The following CNTN5 variants were observed in gnomAD, a reference collection of about 807,000 sequenced individuals.
CNTN5 encodes the protein contactin 5.
CNTN5 carries 77 observed loss-of-function variants against 129.1 expected under a neutral mutation model. The observed-to-expected ratio is 0.60, with a 90% confidence interval of 0.50 to 0.72. CNTN5 has a LOEUF of 0.72. Among genes scored for constraint, CNTN5 ranks in the 30% least tolerant of loss-of-function variants. The pLI, the probability that CNTN5 is intolerant of heterozygous loss-of-function variation, is 0.00. For synonymous variants in CNTN5, 509 were observed against 465.6 expected (o/e 1.09, Z -1.20); for missense variants, 1,478 against 1,328.8 (o/e 1.11, Z -1.75).
At chr11:99,243,135 G>A (rs1565431841) in intron 1 of CNTN5, among the ~76,000 whole-genome samples, 1 of 152,032 alleles carries the variant, frequency 6.6e-6, no homozygotes, top group Non-Finnish European at 1.5e-5. Flanking sequence ...AGGCTCACAA[G>A]CATTTGTTGT....
intron 3 of CNTN5, among the ~76,000 whole-genome samples, chr11:99,764,162 G>A (rs770586084): frequency 1.3e-5 from 2 of 151,810 alleles, no homozygotes; most frequent in African/African-American, 2.4e-5. Flanking sequence ...AAATTTTGAA[G>A]ACCACTGTTG....
chr11:99,237,982 A>G (rs1861365130), intron 1 of CNTN5, among the ~76,000 whole-genome samples: 1 of 152,166 alleles, frequency 6.6e-6, no homozygotes, highest in Admixed American at 6.5e-5. Context: ...CTGCTATGCT[A>G]TATAACAGAG....
intron 8 of CNTN5, among the ~76,000 whole-genome samples, chr11:99,961,533 A>T (rs1174598291): frequency 6.6e-6 from 1 of 152,220 alleles, no homozygotes. Flanking sequence ...CCATATGCCC[A>T]ATGGAAGCTT....
In CNTN5 at chr11:99,255,828, A is replaced by G. The variant is rs368495969; in HGVS notation, c.-209-69518A>G. On this transcript the variant is annotated intron_variant, in intron 1 of 24. Transcript: ENST00000524871. ...CACACACACACACGCACACGCACAC[A>G]CATGCACACGCACACACACACCCCA... Among the ~76,000 whole-genome samples the G allele has an allele frequency of 2.6e-5, 4 of 151,712 alleles. No individual in the cohort carries two copies. In the South Asian group the frequency reaches 6.2e-4, roughly 24 times the overall value.
chr11:99,200,696 C>CT (rs1184149435), intron 1 of CNTN5, among the ~76,000 whole-genome samples: 1 of 152,142 alleles, frequency 6.6e-6, no homozygotes, highest in East Asian at 1.9e-4. Context: ...GGTTAGCACC[C>CT]TCAAGGACAG....
At chr11:99,646,603 T>C (rs1407683831) in intron 3 of CNTN5, among the ~76,000 whole-genome samples, 3 of 152,192 alleles carry the variant, frequency 2.0e-5, no homozygotes, top group Admixed American at 1.3e-4. Context: ...CATGCACTTA[T>C]GTCCTTAGAA....
At chr11:99,353,909 G>A (rs771250219) in intron 2 of CNTN5, among the ~76,000 whole-genome samples, 6 of 152,140 alleles carry the variant, frequency 3.9e-5, no homozygotes, top group African/African-American at 7.2e-5. Flanking sequence ...AGAAAAAAAC[G>A]TTTACCCCAC....
At chr11:99,166,506 C>G (rs1860878631) in intron 1 of CNTN5, among the ~76,000 whole-genome samples, 1 of 151,218 alleles carries the variant, frequency 6.6e-6, no homozygotes, top group Non-Finnish European at 1.5e-5. Flanking sequence ...AGTTCCAGTA[C>G]TAAGCCAAAA....
chr11:100,070,285 A>G (rs767419402), intron 10 of CNTN5, 139 bp from the exon 11 acceptor site: 9 of 778,354 alleles, frequency 1.2e-5, no homozygotes, highest in Non-Finnish European at 1.8e-5. Flanking sequence ...GTGTAACGCA[A>G]TGCTGTGCTT....
chr11:99,504,182 AAT>A (rs1946528868), intron 2 of CNTN5, among the ~76,000 whole-genome samples: 1 of 152,194 alleles, frequency 6.6e-6, no homozygotes, highest in African/African-American at 2.4e-5. Flanking sequence ...GATGTAAACT[AAT>A]ATTTTGATAA....
At chr11:100,300,467 T>A (rs1321406183) in intron 20 of CNTN5, among the ~76,000 whole-genome samples, 1 of 151,522 alleles carries the variant, frequency 6.6e-6, no homozygotes, top group Non-Finnish European at 1.5e-5. Context: ...ATAAGTGTGG[T>A]AAATATAAAC....
At chr11:99,902,816 A>C (rs1949394328) in intron 6 of CNTN5, among the ~76,000 whole-genome samples, 1 of 152,184 alleles carries the variant, frequency 6.6e-6, no homozygotes, top group Admixed American at 6.5e-5. Context: ...AGCCTAAATG[A>C]AGATCACAAA....
chr11:100,074,471 A>G (rs1591186148), intron 13 of CNTN5, 177 bp downstream of exon 13: 1 of 556,344 alleles, frequency 1.8e-6, no homozygotes, highest in Non-Finnish European at 3.1e-6. Flanking sequence ...TGACTTCAAA[A>G]TGGTCAGTCT....
At chr11:99,501,369 A>T (rs544933737) in intron 2 of CNTN5, among the ~76,000 whole-genome samples, 1 of 152,368 alleles carries the variant, frequency 6.6e-6, no homozygotes, top group African/African-American at 2.4e-5. Flanking sequence ...AATGCAAATC[A>T]TTCAGAATAG....
At chr11:100,141,152 G>T (rs1836775365) in intron 13 of CNTN5, among the ~76,000 whole-genome samples, 1 of 152,082 alleles carries the variant, frequency 6.6e-6, no homozygotes. Context: ...GCATGTTAAA[G>T]TTGGAGAGGG....
chr11:99,133,115 A>T (rs920861183), intron 1 of CNTN5, among the ~76,000 whole-genome samples: 1 of 152,134 alleles, frequency 6.6e-6, no homozygotes, highest in Admixed American at 6.5e-5. Context: ...ACCTACAACG[A>T]TCTGATCTTT....
intron 2 of CNTN5, among the ~76,000 whole-genome samples, chr11:99,418,475 A>G (rs1336608545): frequency 6.6e-6 from 1 of 152,170 alleles, no homozygotes; most frequent in Non-Finnish European, 1.5e-5. Flanking sequence ...AACATGTCCA[A>G]AGGGATAATT....
chr11:100,075,658 G>C (rs1156835017), intron 13 of CNTN5, among the ~76,000 whole-genome samples: 3 of 152,112 alleles, frequency 2.0e-5, no homozygotes, highest in African/African-American at 7.2e-5. Flanking sequence ...ATTTTGTGTG[G>C]TATTCCTTTC....
At chr11:99,342,865 T>C (rs573643041) in intron 2 of CNTN5, among the ~76,000 whole-genome samples, 19 of 152,278 alleles carry the variant, frequency 1.2e-4, no homozygotes, top group African/African-American at 4.6e-4. Flanking sequence ...CTTAAGGTGT[T>C]GTTCTAGCTG....
Sources: allele counts gnomAD v4.1 joint callset (sites outside exome capture counted in the v4.1 genomes callset), GRCh38; gene constraint gnomAD v4.1.1; transcripts MANE v1.5; gene names NCBI Gene and HGNC (gene_info 2026-07-23, HGNC 2026-07-21).